Variants in IL1RL1 observed in about 807,000 individuals in gnomAD.
The protein encoded by IL1RL1 is interleukin-1 receptor-like 1.
In IL1RL1, 32 loss-of-function variants were observed where a neutral mutation model predicts 50.9. The ratio of observed to expected loss-of-function variants is 0.63; its 90% CI spans 0.47 to 0.84. IL1RL1 has a LOEUF of 0.84. Among genes scored for constraint, IL1RL1 ranks in the 40% least tolerant of loss-of-function variants. The pLI is 0.00. For synonymous variants in IL1RL1, 275 were observed against 236.0 expected (o/e 1.17, Z -1.51); for missense variants, 773 against 662.9 (o/e 1.17, Z -1.82).
intron 1 of IL1RL1, among the ~76,000 whole-genome samples, chr2:102,329,171 C>G (rs1677100913): frequency 6.6e-6 from 1 of 152,138 alleles, no homozygotes; most frequent in Admixed American, 6.5e-5. Flanking sequence ...ACAGAGCCCT[C>G]AGAAATAATG....
intron 10 of IL1RL1, among the ~76,000 whole-genome samples, chr2:102,350,882 C>T (rs796400442): frequency 2.0e-5 from 3 of 152,284 alleles, no homozygotes; most frequent in African/African-American, 7.2e-5. Context: ...TGTGCTTTCT[C>T]CTGTTGCAGT....
intron 1 of IL1RL1, among the ~76,000 whole-genome samples, chr2:102,322,364 T>C (rs1290264274): frequency 1.3e-5 from 2 of 152,196 alleles, no homozygotes; most frequent in Admixed American, 6.5e-5. Context: ...TGGAAATAAA[T>C]TCAGAGCGGA....
chr2:102,346,683 C>T (rs1461275362), intron 8 of IL1RL1, among the ~76,000 whole-genome samples: 1 of 152,200 alleles, frequency 6.6e-6, no homozygotes, highest in African/African-American at 2.4e-5. Context: ...CATTATTTAA[C>T]CTGATGACAG....
intron 8 of IL1RL1, among the ~76,000 whole-genome samples, chr2:102,346,601 T>A (rs1024918143): frequency 6.6e-6 from 1 of 152,206 alleles, no homozygotes; most frequent in Non-Finnish European, 1.5e-5. Context: ...CCTCTGTGCA[T>A]CCAGCTGGGG....
At chr2:102,318,783 A>G (rs1165201136) in intron 1 of IL1RL1, among the ~76,000 whole-genome samples, 1 of 152,194 alleles carries the variant, frequency 6.6e-6, no homozygotes, top group Non-Finnish European at 1.5e-5. Flanking sequence ...CCACTTTGAC[A>G]GAGGCTGCTT....
intron 5 of IL1RL1, chr2:102,341,289 G>A: frequency 1.6e-6 from 2 of 1,251,780 alleles, no homozygotes; most frequent in South Asian, 2.8e-5. Context: ...ATACTATGGT[G>A]TACATAAATG....
At chr2:102,342,488 T>C (rs1481526614) in intron 6 of IL1RL1, among the ~76,000 whole-genome samples, 194 bp downstream of exon 6, 1 of 152,186 alleles carries the variant, frequency 6.6e-6, no homozygotes, top group South Asian at 2.1e-4. Flanking sequence ...AATTGCAGTG[T>C]TTACATTTGT....
Position 102,311,885 on chromosome 2 carries a change from A to AT in IL1RL1, c.-150+263dup, listed in dbSNP as rs1440127942. 7.6e-4 allele frequency among the ~76,000 whole-genome samples: 26 copies of AT among 34,106 alleles called. 1 individual carries two copies. Among genetic ancestry groups the AT allele is most frequent in the African/African-American group, 2.7e-3 (17 of 6,324 alleles). 22.4% of individuals were successfully genotyped at this position (34,106 alleles called of 152,430 possible). On this transcript the variant is annotated intron_variant, in intron 1 of 10. Coordinates refer to ENST00000233954, the MANE Select transcript of IL1RL1 (RefSeq NM_016232.5). ...TATATAATATATATTATATAATATA[A>AT]TATATAATATATCATATATGTTATA...
intron 1 of IL1RL1, among the ~76,000 whole-genome samples, chr2:102,322,803 T>C (rs374184169): frequency 6.6e-6 from 1 of 152,204 alleles, no homozygotes; most frequent in Non-Finnish European, 1.5e-5. Flanking sequence ...CCCTCACACC[T>C]TTCCAATCAA....
chr2:102,334,230 T>A (rs1273093682), intron 1 of IL1RL1, among the ~76,000 whole-genome samples: 1 of 152,172 alleles, frequency 6.6e-6, no homozygotes, highest in Admixed American at 6.6e-5. Flanking sequence ...TTTCTCCATA[T>A]CCATGCCAAC....
intron 1 of IL1RL1, among the ~76,000 whole-genome samples, chr2:102,327,162 C>T (rs1034476953): frequency 4.6e-5 from 7 of 152,162 alleles, no homozygotes; most frequent in African/African-American, 9.7e-5. Context: ...CTCTCTTAGA[C>T]CACAGTGCAA....
In IL1RL1 at chr2:102,339,051, T is replaced by G. The variant is rs753605915; in HGVS notation, c.272+4T>G. ...TTTATACCTGTATTGTCAGAAGGTA[T>G]TATGCAGAAGGCTCCCATCTTCTTT... On this transcript the variant is annotated splice_donor_region_variant and intron_variant, in intron 3 of 10. Coordinates refer to ENST00000233954, the MANE Select transcript of IL1RL1 (RefSeq NM_016232.5). 2 of 1,601,532 alleles carry G rather than the reference T, an allele frequency of 1.2e-6. No individual in the cohort carries two copies. Among genetic ancestry groups the G allele is most frequent in the Non-Finnish European group, 1.7e-6 (2 of 1,170,524 alleles).
chr2:102,319,026 CA>C (rs1347177570), intron 1 of IL1RL1, among the ~76,000 whole-genome samples: 2 of 152,202 alleles, frequency 1.3e-5, no homozygotes, highest in Admixed American at 1.3e-4. Flanking sequence ...GGGATTCTAA[CA>C]TAAAAGAATT....
intron 1 of IL1RL1, among the ~76,000 whole-genome samples, chr2:102,333,611 T>C (rs950123847): frequency 6.6e-6 from 1 of 152,306 alleles, no homozygotes; most frequent in African/African-American, 2.4e-5. Flanking sequence ...TTTGTTTTTT[T>C]AAATTTTAGA....
chr2:102,346,259 C>T (rs1479490301), intron 8 of IL1RL1, among the ~76,000 whole-genome samples: 1 of 152,108 alleles, frequency 6.6e-6, no homozygotes, highest in African/African-American at 2.4e-5. Flanking sequence ...TCATTATTTC[C>T]TATGTACAAG....
chr2:102,316,782 C>T (rs1021539742), intron 1 of IL1RL1, among the ~76,000 whole-genome samples: 5 of 152,064 alleles, frequency 3.3e-5, no homozygotes, highest in African/African-American at 1.2e-4. Context: ...ATTTAAGAGA[C>T]AAAATATTAT....
chr2:102,330,178 A>G (rs1677132765), intron 1 of IL1RL1, among the ~76,000 whole-genome samples: 1 of 152,224 alleles, frequency 6.6e-6, no homozygotes, highest in African/African-American at 2.4e-5. Context: ...TGATGAGTTC[A>G]TGTCCTTTGT....
In IL1RL1 at chr2:102,351,549, AG is replaced by A. The variant is rs781111634; in HGVS notation, c.1300del (p.Val434TrpfsTer15). ...MLPGEDVVTAVETNIRKSRRH... is the reference protein window; with the variant it reads ...MLPGEDVVTAXETNIRKSRRH... The stretch of plus-strand genomic sequence containing the variant: ...TTGTATGACTAGATGTAGTCACTGC[AG>A]TGGAAACCAACATACGAAAGAGCAG... On this transcript the variant is annotated frameshift_variant, in exon 11 of 11. Coordinates refer to ENST00000233954, the MANE Select transcript of IL1RL1 (RefSeq NM_016232.5). LOFTEE classifies it low-confidence loss of function (END_TRUNC). The A allele has an allele frequency of 6.2e-7, 1 of 1,613,910 alleles. No individual in the cohort carries two copies. The highest frequency in any genetic ancestry group is 1.7e-5 in the Admixed American group (1 of 60,008).
chr2:102,344,731 T>C (rs1285425286), intron 8 of IL1RL1: 4 of 944,494 alleles, frequency 4.2e-6, no homozygotes, highest in African/African-American at 3.5e-5. Context: ...AAATTATTGA[T>C]ACCAAATGTT....
Sources: gnomAD v4.1 joint callset for allele counts (sites outside exome capture counted in the v4.1 genomes callset) on GRCh38, gnomAD v4.1.1 for gene constraint, MANE v1.5 for transcripts, NCBI Gene and HGNC (gene_info 2026-07-23, HGNC 2026-07-21) for gene names.